The following SGO2 variants were observed in gnomAD, a reference collection of about 807,000 sequenced individuals.
The protein encoded by SGO2 is shugoshin-like 2.
A neutral mutation model predicts 99.5 loss-of-function variants in SGO2; 68 were observed. The ratio of observed to expected loss-of-function variants is 0.68; its 90% CI spans 0.56 to 0.84. The LOEUF (loss-of-function observed/expected upper bound fraction) is 0.84, where lower values mean the gene tolerates loss of function less well. Among genes scored for constraint, SGO2 ranks in the 40% least tolerant of loss-of-function variants. The probability of loss-of-function intolerance (pLI) is 0.00; values close to 1 mark genes in which losing one functional copy is unlikely to be tolerated. For synonymous variants in SGO2, 457 were observed against 487.1 expected, an observed-to-expected ratio of 0.94 and a Z score of 0.81; for missense variants, 1,350 against 1,436.7, an observed-to-expected ratio of 0.94 and a Z score of 0.97.
chr2:200,576,049 C>A, intron 8 of SGO2: 1 of 391,060 alleles, frequency 2.6e-6, no homozygotes, highest in Non-Finnish European at 4.9e-6. Flanking sequence ...CGATATATCT[C>A]TCTCTAAAAA....
chr2:200,571,503 G>C lies in SGO2; in HGVS notation c.1157G>C (p.Ser386Thr). 3 of 1,610,560 alleles carry C rather than the reference G, an allele frequency of 1.9e-6. No homozygotes were observed. Among genetic ancestry groups the C allele is most frequent in the Non-Finnish European group, 2.5e-6 (3 of 1,179,096 alleles). The change falls in exon 7 of 9, where the codon AGT becomes ACT. Residue 386 changes from serine to threonine, a missense_variant. Physicochemically the swap from Ser to Thr is moderately conservative, Grantham distance 58. Transcript: ENST00000357799. ...GTCTCAACAGGCATTAAAAAGAAAAGTAATAAAAAAACAAATGAACATGGA... is the reference window on the plus strand; with the variant it reads ...GTCTCAACAGGCATTAAAAAGAAAACTAATAAAAAAACAAATGAACATGGA... ...VTVSTGIKKK[S>T]NKKTNEHGMK...
intron 8 of SGO2, among the ~76,000 whole-genome samples, chr2:200,578,688 G>A (rs2033744006): frequency 6.6e-6 from 1 of 152,194 alleles, no homozygotes; most frequent in Non-Finnish European, 1.5e-5. Flanking sequence ...AAGTCCTGTA[G>A]CAGGATAGAG....
chr2:200,546,325 C>T (rs538187145), intron 5 of SGO2, among the ~76,000 whole-genome samples: 3 of 134,166 alleles, frequency 2.2e-5, no homozygotes, highest in African/African-American at 5.6e-5. Flanking sequence ...TGCACTCCAG[C>T]CTGGGCTATC....
chr2:200,543,553 T>C lies in SGO2; in HGVS notation c.473+889T>C, dbSNP rs376195577. The C allele has an allele frequency of 2.0e-3, 305 of 152,314 alleles. 1 individual carries two copies. The highest frequency in any genetic ancestry group is 6.9e-3 in the African/African-American group (287 of 41,566). 9.4% of individuals were successfully genotyped at this position (152,314 alleles called of 1,614,324 possible). A position where few individuals can be genotyped will look rare whatever the true frequency, so the allele number is the denominator to read the frequency against. ...TAACATATAGATTTAATGCTTTTAC[T>C]TAAGTGCACAAGTAAATGCACTTAT... On this transcript the variant is annotated intron_variant, in intron 5 of 8. Transcript: ENST00000357799.
chr2:200,552,005 C>T lies in SGO2; in HGVS notation c.473+9341C>T, dbSNP rs557463068. On this transcript the variant is annotated intron_variant, in intron 5 of 8. Transcript: ENST00000357799. ...TAGAATCAGCTTGTCAGTTTACACA[C>T]ACACATACATAACCTAGAATTTTTG... Among the ~76,000 whole-genome samples the T allele has an allele frequency of 3.9e-5, 6 of 152,286 alleles. No homozygotes were observed. The East Asian group carries it at 1.2e-3, about 29-fold the overall frequency.
Position 200,573,420 on chromosome 2 carries a change from A to C in SGO2, c.3074A>C (p.His1025Pro), listed in dbSNP as rs148967118. ...ATCTCCTTAGAATCTGATTTAAAAC[A>C]TATTACTAGTGAAGCAGATTCTGAT... is the stretch of plus-strand genomic sequence containing the variant. The part of the protein sequence containing the change: ...TSISLESDLK[H>P]ITSEADSDPG... Residue 1025 changes from histidine to proline, a missense_variant, in exon 7 of 9, where the codon CAT (histidine) becomes CCT (proline). By Grantham distance (77) the His-to-Pro change is moderately conservative (BLOSUM62 -2). Coordinates refer to ENST00000357799, the MANE Select transcript of SGO2 (RefSeq NM_152524.6). 1,519 of 1,607,348 alleles carry C rather than the reference A, an allele frequency of 9.5e-4. 17 individuals are homozygous for C. In the African/African-American group the frequency reaches 0.017, roughly 18 times the overall value.
intron 5 of SGO2, among the ~76,000 whole-genome samples, chr2:200,567,279 G>T (rs1031720249): frequency 6.6e-6 from 1 of 152,098 alleles, no homozygotes; most frequent in African/African-American, 2.4e-5. Context: ...TTTGTAATTT[G>T]TATGTTTAAT....
Position 200,558,658 on chromosome 2 carries a change from G to A in SGO2, c.474-11005G>A, listed in dbSNP as rs565770005. ...ATTTTGTCAGGTTTTTGTATTTATA[G>A]TATGCCGGTCACTGTAAATGAATTA... On this transcript the variant is annotated intron_variant, in intron 5 of 8. Transcript: ENST00000357799. Among the ~76,000 whole-genome samples, 69 of 150,168 alleles carry A rather than the reference G, an allele frequency of 4.6e-4. 1 individual carries two copies. The South Asian group carries it at 0.013, about 27-fold the overall frequency.
At chr2:200,532,931 C>T (rs776340361) in intron 1 of SGO2, 43 bp from the exon 2 acceptor site, 2 of 1,565,654 alleles carry the variant, frequency 1.3e-6, no homozygotes, top group Non-Finnish European at 1.7e-6. Context: ...TATACTTTTT[C>T]TTTTATTAAT....
At chr2:200,538,987 A>G (rs1444340655) in intron 4 of SGO2, among the ~76,000 whole-genome samples, 1 of 152,060 alleles carries the variant, frequency 6.6e-6, no homozygotes, top group East Asian at 1.9e-4. Context: ...TACAGTCTTT[A>G]GGCATTGATA....
At chr2:200,547,905 G>T (rs28548924) in intron 5 of SGO2, among the ~76,000 whole-genome samples, 1,678 of 151,930 alleles carry the variant, frequency 0.011, 36 homozygotes, top group African/African-American at 0.038. Context: ...GGCAGTAAAG[G>T]AGGGTCACTA....
chr2:200,528,266 A>G (rs1200817536), intron 1 of SGO2, among the ~76,000 whole-genome samples: 1 of 152,174 alleles, frequency 6.6e-6, no homozygotes, highest in Admixed American at 6.5e-5. Flanking sequence ...TGTGGTTGCT[A>G]GGTTAAGAAT....
intron 7 of SGO2, among the ~76,000 whole-genome samples, chr2:200,574,805 A>T (rs953150927): frequency 6.6e-6 from 1 of 152,108 alleles, no homozygotes. Context: ...TTCTTTTGCC[A>T]TTAGAAATTT....
chr2:200,534,948 C>T (rs759736951), intron 2 of SGO2, 48 bp from the exon 3 acceptor site: 1 of 1,301,726 alleles, frequency 7.7e-7, no homozygotes, highest in South Asian at 1.6e-5. Context: ...ATAAAAATTT[C>T]TTAAGGTATA....
At chr2:200,537,441 A>G (rs1020302185) in intron 4 of SGO2, among the ~76,000 whole-genome samples, 1 of 152,092 alleles carries the variant, frequency 6.6e-6, no homozygotes, top group African/African-American at 2.4e-5. Context: ...GGTTTTCACC[A>G]CCAGTCCACT....
intron 5 of SGO2, among the ~76,000 whole-genome samples, chr2:200,564,128 C>T (rs1025478725): frequency 1.3e-5 from 2 of 152,082 alleles, no homozygotes; most frequent in Non-Finnish European, 2.9e-5. Flanking sequence ...GCTCTTGCTT[C>T]TCTAGTTCTT....
At chr2:200,547,323 C>T (rs1407447009) in intron 5 of SGO2, among the ~76,000 whole-genome samples, 4 of 152,122 alleles carry the variant, frequency 2.6e-5, no homozygotes, top group Admixed American at 6.6e-5. Flanking sequence ...AAGTCTTTCA[C>T]GGATAAACAA....
rs374646296 is a variant in SGO2 at position 200,577,758 on chromosome 2, T to TG, written c.3782+2297_3782+2298insG. ...TGTAGAATATCTCTCAGTTTGGGTT[T>TG]TCTGATATTTTCTCATGATTGCAAT... On this transcript the variant is annotated intron_variant, in intron 8 of 8. Coordinates refer to ENST00000357799, the MANE Select transcript of SGO2 (RefSeq NM_152524.6). Among the ~76,000 whole-genome samples, 230 of 152,288 alleles carry TG rather than the reference T, an allele frequency of 1.5e-3. 1 individual carries two copies. The highest frequency in any genetic ancestry group is 5.2e-3 in the African/African-American group (216 of 41,560).
chr2:200,536,654 C>G (rs10497851), intron 4 of SGO2, among the ~76,000 whole-genome samples: 25,050 of 152,116 alleles, frequency 0.16, 2,324 homozygotes, highest in Non-Finnish European at 0.21. Context: ...AACTGGACAG[C>G]AGGTAGATGG....
Sources: gnomAD v4.1 joint callset for allele counts (sites outside exome capture counted in the v4.1 genomes callset) on GRCh38, gnomAD v4.1.1 for gene constraint, MANE v1.5 for transcripts, NCBI Gene and HGNC (gene_info 2026-07-23, HGNC 2026-07-21) for gene names.